The following MAD1L1 variants were observed in gnomAD, a reference collection of about 807,000 sequenced individuals.
The protein encoded by MAD1L1 is mitotic spindle assembly checkpoint protein MAD1.
MAD1L1 carries 95 observed loss-of-function variants against 96.9 expected under a neutral mutation model. The ratio of observed to expected loss-of-function variants is 0.98; its 90% CI spans 0.83 to 1.16. The LOEUF (loss-of-function observed/expected upper bound fraction) is 1.16. MAD1L1 is among the 50% of genes most tolerant of loss of function. The pLI is 0.00. For missense variants in MAD1L1, 1,007 were observed against 954.4 expected, an observed-to-expected ratio of 1.06 and a Z score of -0.73; for synonymous variants, 473 against 396.6, an observed-to-expected ratio of 1.19 and a Z score of -2.29.
chr7:1,955,665 C>T (rs773991277), intron 16 of MAD1L1, among the ~76,000 whole-genome samples: 3 of 152,138 alleles, frequency 2.0e-5, no homozygotes, highest in Admixed American at 2.0e-4. Flanking sequence ...TGACAACAAG[C>T]CATTTATCCC....
intron 18 of MAD1L1, among the ~76,000 whole-genome samples, chr7:1,890,979 G>A (rs1562495464): frequency 6.6e-6 from 1 of 152,138 alleles, no homozygotes. Context: ...AGCGGGCTCT[G>A]TGCGGGACCT....
chr7:1,899,391 C>G (rs867154841), intron 17 of MAD1L1, among the ~76,000 whole-genome samples: 1 of 152,120 alleles, frequency 6.6e-6, no homozygotes, highest in Non-Finnish European at 1.5e-5. Flanking sequence ...CTGCTCCAGG[C>G]GGGGACGGGA....
chr7:2,023,744 T>C (rs1043566392), intron 12 of MAD1L1, among the ~76,000 whole-genome samples: 3 of 151,456 alleles, frequency 2.0e-5, no homozygotes, highest in Admixed American at 2.0e-4. Flanking sequence ...AGGTTGGGAG[T>C]TCAAGACCAG....
intron 10 of MAD1L1, among the ~76,000 whole-genome samples, chr7:2,207,058 A>T (rs943336786): frequency 6.6e-6 from 1 of 151,182 alleles, no homozygotes; most frequent in Non-Finnish European, 1.5e-5. Context: ...AGCCTGGGCG[A>T]CAGAGTAAGA....
chr7:2,118,988 C>G (rs552635262), intron 11 of MAD1L1, among the ~76,000 whole-genome samples: 1 of 152,124 alleles, frequency 6.6e-6, no homozygotes, highest in Non-Finnish European at 1.5e-5. Context: ...AAGCTCCACA[C>G]GCCCAGCTGC....
chr7:1,918,357 T>A (rs1251555326), intron 17 of MAD1L1, among the ~76,000 whole-genome samples: 2 of 152,140 alleles, frequency 1.3e-5, no homozygotes, highest in African/African-American at 2.4e-5. Context: ...AACCTGGTTC[T>A]GGGAGCGTCT....
intron 13 of MAD1L1, among the ~76,000 whole-genome samples, chr7:2,008,215 G>A (rs1056929047): frequency 6.6e-5 from 10 of 152,346 alleles, no homozygotes; most frequent in East Asian, 3.9e-4. Context: ...GGCACAGCCC[G>A]TGTGTGCACT....
At chr7:2,208,733 C>T (rs1053005392) in intron 10 of MAD1L1, among the ~76,000 whole-genome samples, 16 of 152,156 alleles carry the variant, frequency 1.1e-4, no homozygotes, top group African/African-American at 1.7e-4. Flanking sequence ...TCCAGCCTCA[C>T]GCCATCTTTC....
chr7:1,836,177 G>A (rs559782912), intron 18 of MAD1L1, among the ~76,000 whole-genome samples: 277 of 152,106 alleles, frequency 1.8e-3, no homozygotes, highest in Non-Finnish European at 3.2e-3. Context: ...ATGCACCACC[G>A]TGCCCGGCTA....
intron 10 of MAD1L1, among the ~76,000 whole-genome samples, chr7:2,205,312 C>G (rs981727366): frequency 6.6e-6 from 1 of 152,116 alleles, no homozygotes; most frequent in Admixed American, 6.5e-5. Flanking sequence ...GTGCCTGCTA[C>G]CCGGAGTCAC....
chr7:1,967,806 C>T (rs756300351), intron 15 of MAD1L1, among the ~76,000 whole-genome samples: 2 of 152,200 alleles, frequency 1.3e-5, no homozygotes, highest in African/African-American at 2.4e-5. Flanking sequence ...CTGCATGCAC[C>T]GGATCAGAAC....
chr7:1,864,084 C>A (rs1042514122), intron 18 of MAD1L1, among the ~76,000 whole-genome samples: 1 of 152,308 alleles, frequency 6.6e-6, no homozygotes, highest in Middle Eastern at 3.4e-3. Flanking sequence ...CGAGGAAAGC[C>A]GAGGGAGAAA....
At chr7:2,080,383 T>A (rs1785579997) in intron 11 of MAD1L1, among the ~76,000 whole-genome samples, 1 of 152,118 alleles carries the variant, frequency 6.6e-6, no homozygotes, top group Non-Finnish European at 1.5e-5. Flanking sequence ...ACTAAAGACA[T>A]GAGTTCCCAC....
intron 18 of MAD1L1, among the ~76,000 whole-genome samples, chr7:1,840,263 C>T (rs565715711): frequency 3.3e-5 from 5 of 152,344 alleles, no homozygotes; most frequent in African/African-American, 1.2e-4. Context: ...AAACATCTCC[C>T]CAACCCAGCC....
chr7:2,080,446 G>A (rs1163271489), intron 11 of MAD1L1, among the ~76,000 whole-genome samples: 4 of 152,156 alleles, frequency 2.6e-5, no homozygotes, highest in Non-Finnish European at 4.4e-5. Context: ...AGCTCCTGCC[G>A]GCTCCCCGCC....
At chr7:2,147,035 G>A (rs1047914060) in intron 11 of MAD1L1, among the ~76,000 whole-genome samples, 4 of 152,170 alleles carry the variant, frequency 2.6e-5, no homozygotes, top group African/African-American at 7.2e-5. Context: ...GGCACTCAGC[G>A]TCACCAGGCC....
chr7:1,885,944 G>A (rs1320846350), intron 18 of MAD1L1, among the ~76,000 whole-genome samples: 1 of 152,250 alleles, frequency 6.6e-6, no homozygotes, highest in African/African-American at 2.4e-5. Context: ...CCACACGCCT[G>A]GCTTCCCATT....
At chr7:1,879,516 T>C (rs1785564893) in intron 18 of MAD1L1, among the ~76,000 whole-genome samples, 1 of 151,140 alleles carries the variant, frequency 6.6e-6, no homozygotes, top group Non-Finnish European at 1.5e-5. Context: ...TTGAATGTAA[T>C]CCAAATCAAA....
At chr7:1,993,967 C>T (rs1781452452) in intron 14 of MAD1L1, among the ~76,000 whole-genome samples, 1 of 152,190 alleles carries the variant, frequency 6.6e-6, no homozygotes, top group South Asian at 2.1e-4. Context: ...TGAGGAAGCC[C>T]CTGCAACTGC....
Sources: gnomAD v4.1 joint callset for allele counts (sites outside exome capture counted in the v4.1 genomes callset) on GRCh38, gnomAD v4.1.1 for gene constraint, MANE v1.5 for transcripts, NCBI Gene and HGNC (gene_info 2026-07-23, HGNC 2026-07-21) for gene names.